The following TRAPPC8 variants were observed in gnomAD, a reference collection of about 807,000 sequenced individuals.
TRAPPC8 encodes the protein trafficking protein particle complex subunit 8.
In TRAPPC8, 54 loss-of-function variants were observed where a neutral mutation model predicts 174.3. The observed-to-expected ratio is 0.31, with a 90% CI of 0.25 to 0.39. The LOEUF (loss-of-function observed/expected upper bound fraction) is 0.39. TRAPPC8 is among the 10% of genes least tolerant of loss of function. The pLI is 1.00. For synonymous variants in TRAPPC8, 630 were observed against 579.9 expected (o/e 1.09, Z -1.24); for missense variants, 1,531 against 1,699.1 (o/e 0.90, Z 1.74).
chr18:31,885,434 C>T (rs1051921192), intron 12 of TRAPPC8, among the ~76,000 whole-genome samples: 1 of 152,140 alleles, frequency 6.6e-6, no homozygotes, highest in African/African-American at 2.4e-5. Context: ...TGATAAAGGA[C>T]ATGCATGAGA....
In TRAPPC8 at chr18:31,931,491, C is replaced by A. The variant is rs749991043; in HGVS notation, c.190G>T (p.Val64Leu). 2.5e-6 allele frequency: 4 copies of A among 1,601,010 alleles called. No individual in the cohort carries two copies. Among genetic ancestry groups the A allele is most frequent in the African/African-American group, 1.3e-5 (1 of 74,368 alleles). The stretch of plus-strand genomic sequence containing the variant: ...ACTGCTATCTTCAAATTTTTAATTA[C>A]GTGAAGTTGATTATTAGGATCTCTC... ...HMRDPNNQLHVIKNLKIAVSN... is the reference protein window; with the variant it reads ...HMRDPNNQLHLIKNLKIAVSN... Residue 64 changes from valine to leucine, a missense_variant, in exon 2 of 29, where the codon GTA (valine) becomes TTA (leucine). Val to Leu is a conservative substitution (Grantham distance 32). Transcript: ENST00000283351.
At position 31,882,720 on chromosome 18, in the gene TRAPPC8, G is replaced by A. The variant is rs1023213053; in HGVS notation, c.1728+8015C>T. 1.2e-4 allele frequency among the ~76,000 whole-genome samples: 18 copies of A among 151,792 alleles called. No homozygotes were observed. In the East Asian group the frequency reaches 2.4e-3, roughly 20 times the overall value. On this transcript the variant is annotated intron_variant, in intron 12 of 28. Coordinates refer to ENST00000283351, the MANE Select transcript of TRAPPC8 (RefSeq NM_014939.5). ...CAACCTCTGCCTCCTGGGTTCAAGCGATTCTCCTGCCTCAGCCTCCCAAGT... is the reference window on the plus strand; with the variant it reads ...CAACCTCTGCCTCCTGGGTTCAAGCAATTCTCCTGCCTCAGCCTCCCAAGT...
chr18:31,870,617 C>A, intron 15 of TRAPPC8, 115 bp from the exon 16 acceptor site: 1 of 1,121,862 alleles, frequency 8.9e-7, no homozygotes, highest in Non-Finnish European at 1.3e-6. Flanking sequence ...CTAGACTGTC[C>A]TTTATTACCT....
intron 19 of TRAPPC8, among the ~76,000 whole-genome samples, chr18:31,862,025 A>G (rs1300657183): frequency 2.0e-5 from 3 of 151,892 alleles, no homozygotes; most frequent in Non-Finnish European, 4.4e-5. Context: ...GGTGTCTTAC[A>G]CTGATTTATT....
intron 26 of TRAPPC8, among the ~76,000 whole-genome samples, chr18:31,841,724 T>C (rs371351066): frequency 3.7e-4 from 56 of 152,324 alleles, no homozygotes; most frequent in African/African-American, 1.3e-3. Flanking sequence ...CTTCTACCTA[T>C]ACCTCACAGG....
chr18:31,849,588 A>C lies in TRAPPC8; in HGVS notation c.3713T>G (p.Leu1238Trp). 6.2e-7 allele frequency: 1 copy of C among 1,609,418 alleles called. No homozygotes were observed. Among genetic ancestry groups the C allele is most frequent in the Middle Eastern group, 1.7e-4 (1 of 6,042 alleles). Residue 1238 changes from leucine (L) to tryptophan (W), a missense_variant, in exon 25 of 29, where the codon TTG (leucine) becomes TGG (tryptophan). Leu to Trp is a moderately conservative substitution (Grantham distance 61, BLOSUM62 -2). Transcript: ENST00000283351. ...RLIQKCSEVD[L>W]NIVILWKAYV... The stretch of plus-strand genomic sequence containing the variant: ...TACCTTCCATAATATGACAATATTC[A>C]AATCTACCTCACTGCATTTTTGAAT...
In TRAPPC8 at chr18:31,857,929, T is replaced by C. The variant is rs185069046; in HGVS notation, c.2799A>G (p.Ala933=). 1.9e-6 allele frequency: 3 copies of C among 1,614,012 alleles called. No individual in the cohort carries two copies. The highest frequency in any genetic ancestry group is 2.5e-6 in the Non-Finnish European group (3 of 1,179,988). ...TGLLCGEIRK[A]YVEFVNVSKC... Reference sequence around the variant, plus strand: ...TGCTGACATTGACAAATTCTACATATGCTTTTCGGATTTCTCCACAGAGAA... The same window carrying C: ...TGCTGACATTGACAAATTCTACATACGCTTTTCGGATTTCTCCACAGAGAA... The change falls in exon 20 of 29, where the codon GCA becomes GCG. Residue 933 remains alanine (A), a synonymous_variant. Coordinates refer to ENST00000283351, the MANE Select transcript of TRAPPC8 (RefSeq NM_014939.5).
At chr18:31,848,624 A>G (rs999049014) in intron 25 of TRAPPC8, among the ~76,000 whole-genome samples, 5 of 152,244 alleles carry the variant, frequency 3.3e-5, no homozygotes, top group Non-Finnish European at 5.9e-5. Context: ...ATTTAAAAAC[A>G]TGGTTTAAAA....
At chr18:31,852,343 A>C (rs536618548) in intron 24 of TRAPPC8, 103 bp downstream of exon 24, 23 of 1,296,784 alleles carry the variant, frequency 1.8e-5, no homozygotes, top group African/African-American at 3.0e-5. Context: ...TCTCCCCCCC[A>C]AAAAAAAGCG....
At chr18:31,866,161 T>C (rs930641432) in intron 18 of TRAPPC8, among the ~76,000 whole-genome samples, 1 of 152,124 alleles carries the variant, frequency 6.6e-6, no homozygotes, top group African/African-American at 2.4e-5. Context: ...GACATATCTA[T>C]TAAAATGAGC....
At chr18:31,885,146 C>T (rs1046934391) in intron 12 of TRAPPC8, among the ~76,000 whole-genome samples, 1 of 152,064 alleles carries the variant, frequency 6.6e-6, no homozygotes, top group Non-Finnish European at 1.5e-5. Context: ...CGTGAGCCAC[C>T]GTACCCAGCC....
intron 8 of TRAPPC8, among the ~76,000 whole-genome samples, chr18:31,907,937 T>C (rs2036734997): frequency 6.6e-6 from 1 of 152,212 alleles, no homozygotes; most frequent in Admixed American, 6.5e-5. Context: ...GGATTAATTA[T>C]ATTTTTTCCT....
chr18:31,854,888 C>A (rs533538309), intron 21 of TRAPPC8, among the ~76,000 whole-genome samples: 45 of 146,248 alleles, frequency 3.1e-4, no homozygotes, highest in Admixed American at 1.9e-3. Flanking sequence ...ATGGCATGAA[C>A]CCGGGAGGTG....
rs1461309148 is a variant in TRAPPC8, at chr18:31,931,493, T to A, written c.188A>T (p.His63Leu). 2 of 1,602,832 alleles carry A rather than the reference T, an allele frequency of 1.2e-6. No homozygotes were observed. The highest frequency in any genetic ancestry group is 2.7e-5 in the African/African-American group (2 of 74,426). Reference sequence around the variant, plus strand: ...TGCTATCTTCAAATTTTTAATTACGTGAAGTTGATTATTAGGATCTCTCAT... The same window carrying A: ...TGCTATCTTCAAATTTTTAATTACGAGAAGTTGATTATTAGGATCTCTCAT... ...VHMRDPNNQLHVIKNLKIAVS... is the reference protein window; with the variant it reads ...VHMRDPNNQLLVIKNLKIAVS... The change falls in exon 2 of 29, where the codon CAC (histidine) becomes CTC (leucine). Residue 63 changes from histidine to leucine, a missense_variant. Transcript: ENST00000283351.
chr18:31,858,251 A>G (rs1241779687), intron 19 of TRAPPC8, among the ~76,000 whole-genome samples: 1 of 91,374 alleles, frequency 1.1e-5, no homozygotes, highest in East Asian at 2.9e-4. Context: ...AACATGTCAA[A>G]ATTTCACAAC....
At chr18:31,911,908 A>C (rs1376742922) in intron 5 of TRAPPC8, among the ~76,000 whole-genome samples, 1 of 151,898 alleles carries the variant, frequency 6.6e-6, no homozygotes, top group East Asian at 1.9e-4. Context: ...TCTAAACAAA[A>C]AACAGTGACT....
At chr18:31,880,964 C>T (rs532024882) in intron 12 of TRAPPC8, among the ~76,000 whole-genome samples, 54 of 151,832 alleles carry the variant, frequency 3.6e-4, no homozygotes, top group African/African-American at 1.2e-3. Context: ...TAAAAGAGAA[C>T]TACAAAACAC....
rs986742862 is a variant in TRAPPC8 at position 31,830,064 on chromosome 18, C to T, written c.*691G>A. 5.3e-5 allele frequency: 8 copies of T among 152,260 alleles called. No individual in the cohort carries two copies. The highest frequency in any genetic ancestry group is 1.2e-4 in the Non-Finnish European group (8 of 67,988). The allele number at this position is 152,260 out of a possible 1,614,324, so 9.4% of individuals were successfully genotyped here. A position where few individuals can be genotyped will look rare whatever the true frequency, so the allele number is the denominator to read the frequency against. On this transcript the variant is annotated 3_prime_UTR_variant, in exon 29 of 29. Transcript: ENST00000283351. ...TTAAACAGATCAACTCAATAGTTAA[C>T]GTTATATAATAAAGAATATGGTAAT...
At chr18:31,938,360 TA>T (rs1343627999) in intron 1 of TRAPPC8, among the ~76,000 whole-genome samples, 11 of 151,474 alleles carry the variant, frequency 7.3e-5, no homozygotes, top group Non-Finnish European at 1.5e-4. Flanking sequence ...TTTAATTATA[TA>T]TTTTAATATA....
Sources: allele counts gnomAD v4.1 joint callset (sites outside exome capture counted in the v4.1 genomes callset), GRCh38; gene constraint gnomAD v4.1.1; transcripts MANE v1.5; gene names NCBI Gene and HGNC (gene_info 2026-07-23, HGNC 2026-07-21).